Variants in ANO3 observed in about 807,000 individuals in gnomAD.
The protein encoded by ANO3 is anoctamin-3.
In ANO3, 99 loss-of-function variants were observed where a neutral mutation model predicts 144.8. The ratio of observed to expected loss-of-function variants is 0.68; its 90% CI spans 0.58 to 0.81. The LOEUF is 0.81. Ranked by LOEUF, ANO3 falls within the 30% of genes least tolerant of loss-of-function variation. ANO3 has a pLI of 0.00. For missense variants in ANO3, 905 were observed against 1,202.2 expected, an observed-to-expected ratio of 0.75 and a Z score of 3.66; for synonymous variants, 414 against 392.6, an observed-to-expected ratio of 1.05 and a Z score of -0.64.
rs566706739 is a variant in ANO3 at position 26,387,665 on chromosome 11, C to T, written c.47-54253C>T. 2.5e-4 allele frequency among the ~76,000 whole-genome samples: 38 copies of T among 152,154 alleles called. 1 individual carries two copies. The South Asian group carries it at 7.5e-3, about 30-fold the overall frequency. ...GATCTAAACCTGTGGTTTTTCCCCT[C>T]AATTCTCATTAGTAGAGGCCTCTTT... is the stretch of plus-strand genomic sequence containing the variant. On this transcript the variant is annotated intron_variant, in intron 1 of 26. Coordinates refer to ENST00000256737, the MANE Select transcript of ANO3 (RefSeq NM_031418.4).
chr11:26,316,285 A>G (rs1218533454), intron 1 of ANO3, among the ~76,000 whole-genome samples: 1 of 152,168 alleles, frequency 6.6e-6, no homozygotes, highest in Non-Finnish European at 1.5e-5. Context: ...TGGATATACC[A>G]GCATTTATTC....
At chr11:26,208,892 C>T (rs139064444) in intron 1 of ANO3, among the ~76,000 whole-genome samples, 1 of 152,034 alleles carries the variant, frequency 6.6e-6, no homozygotes, top group Non-Finnish European at 1.5e-5. Flanking sequence ...ATCATATGAT[C>T]CTGGAAATGT....
chr11:26,350,244 C>A (rs995499224), intron 1 of ANO3, among the ~76,000 whole-genome samples: 20 of 152,074 alleles, frequency 1.3e-4, no homozygotes, highest in Non-Finnish European at 8.8e-5. Flanking sequence ...ATGAGTGAAA[C>A]TAGTCAGGAA....
upstream of ANO3, among the ~76,000 whole-genome samples, chr11:26,329,295 T>TACACACACACACACAC (rs201501181): frequency 1.4e-5 from 2 of 145,012 alleles, no homozygotes; most frequent in African/African-American, 5.2e-5. Context: ...TTTCTTTCTT[T>TACACACACACACACAC]ACACACACAC....
At chr11:26,547,325 C>T (rs1423561073) in intron 11 of ANO3, 91 bp from the exon 12 acceptor site, 4 of 1,309,644 alleles carry the variant, frequency 3.1e-6, no homozygotes, top group African/African-American at 2.9e-5. Flanking sequence ...CTTCAAGTTA[C>T]CATCTGAAAT....
chr11:26,499,311 G>C lies in ANO3; in HGVS notation c.433-8793G>C, dbSNP rs556303979. Among the ~76,000 whole-genome samples, 8 of 151,460 alleles carry C rather than the reference G, an allele frequency of 5.3e-5. No individual in the cohort carries two copies. In the South Asian group the frequency reaches 1.7e-3, roughly 32 times the overall value. Reference sequence around the variant, plus strand: ...TATTTGAATGTAATTGCATGTACCAGCTTTTTTTTTATAACTGGTGCTGAT... The same window carrying C: ...TATTTGAATGTAATTGCATGTACCACCTTTTTTTTTATAACTGGTGCTGAT... On this transcript the variant is annotated intron_variant, in intron 4 of 26. Coordinates refer to ENST00000256737, the MANE Select transcript of ANO3 (RefSeq NM_031418.4).
intron 1 of ANO3, among the ~76,000 whole-genome samples, chr11:26,200,517 A>C (rs1226484801): frequency 6.6e-6 from 1 of 152,108 alleles, no homozygotes; most frequent in Admixed American, 6.6e-5. Flanking sequence ...TCTGTGCCAC[A>C]CTGGGTTAAG....
intron 24 of ANO3, among the ~76,000 whole-genome samples, chr11:26,650,972 G>T (rs1425226419): frequency 1.3e-5 from 2 of 152,060 alleles, no homozygotes; most frequent in Non-Finnish European, 2.9e-5. Flanking sequence ...TATATTTATT[G>T]CCATTGAAAA....
chr11:26,522,099 G>T (rs991506400), intron 6 of ANO3, among the ~76,000 whole-genome samples: 3 of 152,014 alleles, frequency 2.0e-5, no homozygotes, highest in African/African-American at 7.3e-5. Context: ...CAAGAGAATG[G>T]CGTGAACCCG....
chr11:26,621,735 C>T (rs1392588895), intron 17 of ANO3, among the ~76,000 whole-genome samples: 1 of 152,034 alleles, frequency 6.6e-6, no homozygotes, highest in Non-Finnish European at 1.5e-5. Context: ...GTTTCTAAAA[C>T]ACTAACTGAT....
In ANO3 at chr11:26,474,085, A is replaced by G. The variant is rs1445998560; in HGVS notation, c.432+10937A>G. 4.1e-6 allele frequency: 4 copies of G among 985,076 alleles called. No homozygotes were observed. The East Asian group carries it at 3.4e-4, about 84-fold the overall frequency. 61.0% of individuals were successfully genotyped at this position (985,076 alleles called of 1,614,324 possible). ...ATTGTCATTTGAGACTGTTGTCAGCAATGAAGGATTCCAAATGCAGCTGAA... is the reference window on the plus strand; with the variant it reads ...ATTGTCATTTGAGACTGTTGTCAGCGATGAAGGATTCCAAATGCAGCTGAA... On this transcript the variant is annotated intron_variant, in intron 4 of 26. Coordinates refer to ENST00000256737, the MANE Select transcript of ANO3 (RefSeq NM_031418.4).
At chr11:26,540,938 A>G (rs566813068) in intron 10 of ANO3, among the ~76,000 whole-genome samples, 1 of 152,260 alleles carries the variant, frequency 6.6e-6, no homozygotes, top group Admixed American at 6.5e-5. Context: ...CAGCAATCCT[A>G]TTACTGGGTA....
chr11:26,625,055 G>T (rs1024182718), intron 18 of ANO3, among the ~76,000 whole-genome samples: 1 of 152,010 alleles, frequency 6.6e-6, no homozygotes, highest in Non-Finnish European at 1.5e-5. Context: ...CTCCCGAGTA[G>T]TTGGGGACTA....
upstream of ANO3, among the ~76,000 whole-genome samples, chr11:26,307,097 T>C (rs1049684810): frequency 6.6e-6 from 1 of 152,228 alleles, no homozygotes; most frequent in African/African-American, 2.4e-5. Flanking sequence ...GACTCATGCC[T>C]GTAATCCCAG....
chr11:26,251,069 T>C (rs1221792063), intron 1 of ANO3, among the ~76,000 whole-genome samples: 2 of 152,124 alleles, frequency 1.3e-5, no homozygotes, highest in African/African-American at 4.8e-5. Flanking sequence ...TCCAGGAAAA[T>C]AACAAAATTC....
At chr11:26,504,588 G>A (rs1181035324) in intron 4 of ANO3, among the ~76,000 whole-genome samples, 1 of 151,708 alleles carries the variant, frequency 6.6e-6, no homozygotes, top group African/African-American at 2.4e-5. Flanking sequence ...AAAGATATCA[G>A]GGGAAGTGGG....
intron 17 of ANO3, among the ~76,000 whole-genome samples, chr11:26,604,951 T>C (rs529259381): frequency 2.6e-5 from 4 of 152,352 alleles, no homozygotes; most frequent in South Asian, 4.1e-4. Flanking sequence ...TGCAATACTA[T>C]GTTGAATAGG....
In ANO3 at chr11:26,660,393, GCAA is replaced by G. The variant is rs778544555; in HGVS notation, c.2903_2905del (p.Gln968del). 28 of 1,612,806 alleles carry G rather than the reference GCAA, an allele frequency of 1.7e-5. No homozygotes were observed. Among genetic ancestry groups the G allele is most frequent in the Non-Finnish European group, 4.2e-6 (5 of 1,179,416 alleles). On this transcript the variant is annotated inframe_deletion, in exon 27 of 27. Coordinates refer to ENST00000256737, the MANE Select transcript of ANO3 (RefSeq NM_031418.4). ...TGTATGAGGCTGAACTGGAACATTT[GCAA>G]CAACAACGGAGAAAAAGTGGTCAGC...
chr11:26,202,696 C>T (rs982515535), intron 1 of ANO3, among the ~76,000 whole-genome samples: 4 of 151,278 alleles, frequency 2.6e-5, no homozygotes, highest in South Asian at 2.1e-4. Context: ...GTCAACCACA[C>T]GAAGGCATGA....
Sources: gnomAD v4.1 joint callset for allele counts (sites outside exome capture counted in the v4.1 genomes callset) on GRCh38, gnomAD v4.1.1 for gene constraint, MANE v1.5 for transcripts, NCBI Gene and HGNC (gene_info 2026-07-23, HGNC 2026-07-21) for gene names.